Variants in CHSY3 observed in about 807,000 individuals in gnomAD.
CHSY3 encodes the protein N-acetylgalactosaminyl-proteoglycan 3-beta-glucuronosyltransferase 3.
In CHSY3, 35 loss-of-function variants were observed where a neutral mutation model predicts 67.2. The ratio of observed to expected loss-of-function variants is 0.52; its 90% CI spans 0.40 to 0.69. The LOEUF (loss-of-function observed/expected upper bound fraction) is 0.69, where lower values mean the gene tolerates loss of function less well. Among genes scored for constraint, CHSY3 ranks in the 30% least tolerant of loss-of-function variants. The probability of loss-of-function intolerance (pLI) is 0.00; values close to 1 mark genes in which losing one functional copy is unlikely to be tolerated. For missense variants in CHSY3, 1,069 were observed against 1,138.5 expected, an observed-to-expected ratio of 0.94 and a Z score of 0.88; for synonymous variants, 474 against 434.7, an observed-to-expected ratio of 1.09 and a Z score of -1.12.
chr5:130,075,773 T>A (rs7731159), intron 2 of CHSY3, among the ~76,000 whole-genome samples: 103,641 of 151,988 alleles, frequency 0.68, 36,541 homozygotes, highest in African/African-American at 0.87. Context: ...CAAGTAAGGC[T>A]AGTGCCACCT....
At chr5:130,082,098 A>T (rs1413923569) in intron 2 of CHSY3, among the ~76,000 whole-genome samples, 1 of 152,024 alleles carries the variant, frequency 6.6e-6, no homozygotes, top group Admixed American at 6.6e-5. Context: ...AGTACAATGA[A>T]AAAATTACGT....
At position 130,106,274 on chromosome 5, in the gene CHSY3, T is replaced by C. The variant is rs932319333; in HGVS notation, c.1087-77955T>C. Among the ~76,000 whole-genome samples, 98 of 151,840 alleles carry C rather than the reference T, an allele frequency of 6.5e-4. 1 individual carries two copies. Among genetic ancestry groups the C allele is most frequent in the African/African-American group, 2.3e-3 (96 of 41,530 alleles). ...ACGTATGACAGTCATGCGCTTACAC[T>C]TTTTTGTTAATTCATATAATTTTGC... On this transcript the variant is annotated intron_variant, in intron 2 of 2. Transcript: ENST00000305031.
chr5:130,123,828 T>C (rs902555938), intron 2 of CHSY3, among the ~76,000 whole-genome samples: 11 of 151,956 alleles, frequency 7.2e-5, no homozygotes, highest in African/African-American at 2.4e-4. Context: ...GAGGCTGACA[T>C]GGGCGGATCA....
At chr5:130,025,867 C>T (rs2149656814) in intron 2 of CHSY3, among the ~76,000 whole-genome samples, 1 of 152,200 alleles carries the variant, frequency 6.6e-6, no homozygotes, top group Middle Eastern at 3.4e-3. Flanking sequence ...AGGTGGGACA[C>T]AAACCTGCAG....
chr5:130,057,527 A>C (rs984458704), intron 2 of CHSY3, among the ~76,000 whole-genome samples: 2 of 152,180 alleles, frequency 1.3e-5, no homozygotes, highest in Admixed American at 6.5e-5. Context: ...CAATGATCCC[A>C]TAATACTAAT....
At chr5:129,980,321 CT>C (rs1762946012) in intron 2 of CHSY3, among the ~76,000 whole-genome samples, 1 of 152,168 alleles carries the variant, frequency 6.6e-6, no homozygotes, top group African/African-American at 2.4e-5. Flanking sequence ...TTTGTATTTC[CT>C]AATGACATAT....
chr5:130,049,458 G>T (rs1348251698), intron 2 of CHSY3, among the ~76,000 whole-genome samples: 1 of 152,062 alleles, frequency 6.6e-6, no homozygotes, highest in African/African-American at 2.4e-5. Context: ...AAAAGAACAA[G>T]AAGTCATTCT....
intron 2 of CHSY3, among the ~76,000 whole-genome samples, chr5:129,957,906 C>G (rs1226036212): frequency 6.6e-6 from 1 of 151,690 alleles, no homozygotes; most frequent in Admixed American, 6.6e-5. Flanking sequence ...CTTATTCTTT[C>G]TTTTCCAAAA....
chr5:129,964,776 T>C (rs1012482171), intron 2 of CHSY3, among the ~76,000 whole-genome samples: 2 of 151,878 alleles, frequency 1.3e-5, no homozygotes, highest in African/African-American at 4.8e-5. Flanking sequence ...CAAATTAGTA[T>C]AAAGAGTTTT....
chr5:129,985,454 G>A (rs1763165270), intron 2 of CHSY3, among the ~76,000 whole-genome samples: 1 of 151,472 alleles, frequency 6.6e-6, no homozygotes, highest in Non-Finnish European at 1.5e-5. Flanking sequence ...AAGTCAAGTA[G>A]TGTGATGCTT....
chr5:129,949,980 A>G (rs1307300786), intron 2 of CHSY3, among the ~76,000 whole-genome samples: 9 of 152,084 alleles, frequency 5.9e-5, no homozygotes, highest in African/African-American at 2.2e-4. Flanking sequence ...CCTGGCCAAC[A>G]TGGTGAAACC....
At chr5:129,969,245 A>G (rs995423058) in intron 2 of CHSY3, among the ~76,000 whole-genome samples, 3 of 151,844 alleles carry the variant, frequency 2.0e-5, no homozygotes, top group African/African-American at 7.2e-5. Context: ...TGACATAGCT[A>G]GGGTTAAATA....
At chr5:130,089,594 G>A (rs1766807128) in intron 2 of CHSY3, among the ~76,000 whole-genome samples, 1 of 152,088 alleles carries the variant, frequency 6.6e-6, no homozygotes, top group African/African-American at 2.4e-5. Context: ...AAACACAAGT[G>A]TTGGTTGAAA....
At chr5:129,908,055 A>T (rs774635333) in intron 1 of CHSY3, 22 bp from the exon 2 acceptor site, 2 of 1,604,572 alleles carry the variant, frequency 1.2e-6, no homozygotes, top group Admixed American at 1.7e-5. Context: ...AGACATAGTA[A>T]TTGTTGCCTT....
chr5:130,027,726 G>A (rs984647758), intron 2 of CHSY3, among the ~76,000 whole-genome samples: 102 of 151,796 alleles, frequency 6.7e-4, no homozygotes, highest in Non-Finnish European at 9.1e-4. Flanking sequence ...GCGGTGTTGC[G>A]TTTTTTGTTC....
chr5:130,117,289 C>A (rs1767841718), intron 2 of CHSY3, among the ~76,000 whole-genome samples: 1 of 152,180 alleles, frequency 6.6e-6, no homozygotes, highest in African/African-American at 2.4e-5. Flanking sequence ...AATCTCTACA[C>A]TAAGGAACCA....
intron 2 of CHSY3, among the ~76,000 whole-genome samples, chr5:130,099,837 C>G (rs186659415): frequency 2.0e-5 from 3 of 152,146 alleles, no homozygotes; most frequent in Admixed American, 1.3e-4. Flanking sequence ...CAACCTCTAC[C>G]GAGCTTTCAG....
In CHSY3 at chr5:130,059,693, C is replaced by T. The variant is rs148837319; in HGVS notation, c.1087-124536C>T. On this transcript the variant is annotated intron_variant, in intron 2 of 2. Transcript: ENST00000305031. ...TTGGGGTGGGTGGACATGTTTTAAC[C>T]GACTACAACTACCCTATAATTAGGA... Among the ~76,000 whole-genome samples, 29 of 152,084 alleles carry T rather than the reference C, an allele frequency of 1.9e-4. No homozygotes were observed. In the East Asian group the frequency reaches 3.7e-3, roughly 19 times the overall value.
intron 2 of CHSY3, among the ~76,000 whole-genome samples, chr5:130,171,998 G>A (rs752914805): frequency 2.0e-5 from 3 of 152,138 alleles, no homozygotes; most frequent in Non-Finnish European, 4.4e-5. Flanking sequence ...GCTCAGTGCT[G>A]TGTTCAGTGC....
Sources: allele counts gnomAD v4.1 joint callset (sites outside exome capture counted in the v4.1 genomes callset), GRCh38; gene constraint gnomAD v4.1.1; transcripts MANE v1.5; gene names NCBI Gene and HGNC (gene_info 2026-07-23, HGNC 2026-07-21).